Variants in SND1 observed in about 807,000 individuals in gnomAD.
SND1 encodes the protein staphylococcal nuclease and tudor domain containing 1.
SND1 carries 38 observed loss-of-function variants against 121.7 expected under a neutral mutation model. The ratio of observed to expected loss-of-function variants is 0.31; its 90% CI spans 0.24 to 0.41. The LOEUF (loss-of-function observed/expected upper bound fraction) is 0.41. Among genes scored for constraint, SND1 ranks in the 10% least tolerant of loss-of-function variants. The probability of loss-of-function intolerance (pLI) is 1.00; values close to 1 mark genes in which losing one functional copy is unlikely to be tolerated. For synonymous variants in SND1, 401 were observed against 447.4 expected (o/e 0.90, Z 1.31); for missense variants, 868 against 1,184.6 (o/e 0.73, Z 3.92).
chr7:127,734,775 G>C (rs1390665675), intron 10 of SND1, among the ~76,000 whole-genome samples: 1 of 152,186 alleles, frequency 6.6e-6, no homozygotes, highest in Non-Finnish European at 1.5e-5. Context: ...GTAGTCTTCT[G>C]CCGAGTTCTT....
At chr7:128,019,660 A>G (rs980669450) in intron 16 of SND1, among the ~76,000 whole-genome samples, 3 of 152,258 alleles carry the variant, frequency 2.0e-5, no homozygotes, top group Non-Finnish European at 4.4e-5. Context: ...CTTGGTTAGA[A>G]GAAATCCTTG....
chr7:127,779,830 T>G (rs1797686248), intron 10 of SND1, among the ~76,000 whole-genome samples: 1 of 152,242 alleles, frequency 6.6e-6, no homozygotes, highest in Non-Finnish European at 1.5e-5. Context: ...TTTCTTATCA[T>G]TTGTGTGCAA....
intron 16 of SND1, among the ~76,000 whole-genome samples, chr7:128,048,017 T>C (rs551285868): frequency 2.4e-4 from 37 of 152,136 alleles, no homozygotes; most frequent in African/African-American, 7.9e-4. Flanking sequence ...CCGGCTAATT[T>C]TTGTATTTTT....
Position 128,081,386 on chromosome 7 carries a change from C to T in SND1, c.1995C>T (p.Pro665=), listed in dbSNP as rs374608789. Reference sequence around the variant, plus strand: ...TCTGGGCCCACTATGAGGAGCAGCCCGTGGAGGAGGTGATGCCAGTGCTGG... The same window carrying T: ...TCTGGGCCCACTATGAGGAGCAGCCTGTGGAGGAGGTGATGCCAGTGCTGG... ...EKVWAHYEEQ[P]VEEVMPVLEE... The change falls in exon 18 of 24, where the codon CCC becomes CCT. Residue 665 remains proline, a synonymous_variant. Transcript: ENST00000354725. The T allele has an allele frequency of 5.0e-5, 80 of 1,614,132 alleles. No individual in the cohort carries two copies. In the African/African-American group the frequency reaches 6.8e-4, roughly 14 times the overall value.
chr7:127,947,608 C>T (rs11765943), intron 15 of SND1, among the ~76,000 whole-genome samples: 2,156 of 152,236 alleles, frequency 0.014, 21 homozygotes, highest in Non-Finnish European at 0.017. Flanking sequence ...TACAGAGGCA[C>T]GGATGGCAAC....
rs1238753102 is a variant in SND1, at chr7:127,965,864, C to T, written c.1670-25083C>T. 6.7e-3 allele frequency among the ~76,000 whole-genome samples: 76 copies of T among 11,304 alleles called. 1 individual carries two copies. Among genetic ancestry groups the T allele is most frequent in the African/African-American group, 0.03 (68 of 2,250 alleles). The allele number at this position is 11,304 out of a possible 152,430, so 7.4% of individuals were successfully genotyped here. A position where few individuals can be genotyped will look rare whatever the true frequency, so the allele number is the denominator to read the frequency against. ...TCCTCCTTGTACCTCTGGTAGAATT[C>T]GGCTGTGAATCCATCTGGTCCTGGA... is the stretch of plus-strand genomic sequence containing the variant. On this transcript the variant is annotated intron_variant, in intron 15 of 23. Transcript: ENST00000354725.
Position 127,887,924 on chromosome 7 carries a change from A to G in SND1, c.1366A>G (p.Ser456Gly). 6.2e-7 allele frequency: 1 copy of G among 1,611,970 alleles called. No individual in the cohort carries two copies. Among genetic ancestry groups the G allele is most frequent in the Non-Finnish European group, 8.5e-7 (1 of 1,178,720 alleles). The change falls in exon 13 of 24, where the codon AGC (serine) becomes GGC (glycine). Residue 456 changes from serine (S) to glycine (G), a missense_variant. By Grantham distance (56) the Ser-to-Gly change is moderately conservative (BLOSUM62 0). Coordinates refer to ENST00000354725, the MANE Select transcript of SND1 (RefSeq NM_014390.4). ...GGINIAEALV[S>G]KGLATVIRYR... is the part of the protein sequence containing the mutation. ...CAGAAACATTGCTGAGGCTCTTGTC[A>G]GCAAAGGTCTAGCCACAGTGATCAG...
intron 13 of SND1, among the ~76,000 whole-genome samples, chr7:127,902,756 G>A (rs990903287): frequency 1.3e-5 from 2 of 151,482 alleles, no homozygotes; most frequent in Non-Finnish European, 2.9e-5. Flanking sequence ...TTGCTCTTTC[G>A]CCCAGGTTAG....
intron 10 of SND1, among the ~76,000 whole-genome samples, chr7:127,778,404 G>A (rs1797660599): frequency 2.0e-5 from 3 of 151,946 alleles, no homozygotes; most frequent in South Asian, 2.1e-4. Flanking sequence ...TCACCATTTT[G>A]GCCAGGATGG....
intron 10 of SND1, among the ~76,000 whole-genome samples, chr7:127,793,612 G>A (rs1306956544): frequency 5.3e-5 from 8 of 152,086 alleles, no homozygotes; most frequent in Non-Finnish European, 8.8e-5. Context: ...TGTTAAACAG[G>A]CACCATTTCA....
chr7:127,941,314 G>A lies in SND1; in HGVS notation c.1669+11985G>A, dbSNP rs941572479. On this transcript the variant is annotated intron_variant, in intron 15 of 23. Transcript: ENST00000354725. ...ATTAGCTTATAGGCTTCTAAAGTAGGCTTTGTAGAAAACTTTCTATTCAAG... is the reference window on the plus strand; with the variant it reads ...ATTAGCTTATAGGCTTCTAAAGTAGACTTTGTAGAAAACTTTCTATTCAAG... Among the ~76,000 whole-genome samples, 59 of 152,164 alleles carry A rather than the reference G, an allele frequency of 3.9e-4. 1 individual carries two copies. The highest frequency in any genetic ancestry group is 1.1e-3 in the African/African-American group (46 of 41,510).
chr7:127,982,942 A>G (rs1288701196), intron 15 of SND1, among the ~76,000 whole-genome samples: 1 of 152,228 alleles, frequency 6.6e-6, no homozygotes, highest in Non-Finnish European at 1.5e-5. Flanking sequence ...AAAATTAGGC[A>G]GATGGTCTGT....
intron 15 of SND1, among the ~76,000 whole-genome samples, chr7:127,974,715 A>G (rs1306801405): frequency 2.0e-5 from 3 of 152,176 alleles, no homozygotes; most frequent in African/African-American, 7.2e-5. Context: ...GTTTAGTGAC[A>G]TTAGGGGAGA....
At chr7:128,040,544 C>T (rs528220552) in intron 16 of SND1, among the ~76,000 whole-genome samples, 2 of 141,814 alleles carry the variant, frequency 1.4e-5, no homozygotes, top group East Asian at 4.7e-4. Context: ...AGCCCCTTAA[C>T]TGAGCAACTC....
chr7:127,659,301 AATG>A (rs1411784124), intron 1 of SND1, among the ~76,000 whole-genome samples: 1 of 152,254 alleles, frequency 6.6e-6, no homozygotes, highest in Non-Finnish European at 1.5e-5. Flanking sequence ...ATAATACATT[AATG>A]ATCTTTTTCT....
chr7:127,933,716 A>G (rs1302602924), intron 15 of SND1, among the ~76,000 whole-genome samples: 1 of 152,228 alleles, frequency 6.6e-6, no homozygotes, highest in East Asian at 1.9e-4. Flanking sequence ...TTTTATAACT[A>G]GAGTTTACCT....
intron 11 of SND1, among the ~76,000 whole-genome samples, chr7:127,834,789 C>T (rs1563029610): frequency 6.6e-6 from 1 of 152,154 alleles, no homozygotes; most frequent in Non-Finnish European, 1.5e-5. Flanking sequence ...CCTTTGACAT[C>T]ATTATATACA....
At chr7:127,697,419 G>A (rs1475734535) in intron 3 of SND1, among the ~76,000 whole-genome samples, 2 of 152,194 alleles carry the variant, frequency 1.3e-5, no homozygotes, top group African/African-American at 4.8e-5. Flanking sequence ...CGGGTGTGCT[G>A]TTGATCAGCC....
chr7:127,920,724 G>T (rs1347834459), intron 14 of SND1, among the ~76,000 whole-genome samples: 1 of 152,034 alleles, frequency 6.6e-6, no homozygotes, highest in Non-Finnish European at 1.5e-5. Flanking sequence ...TAGAGAAAGA[G>T]GATTGAAGAC....
Sources: allele counts gnomAD v4.1 joint callset (sites outside exome capture counted in the v4.1 genomes callset), GRCh38; gene constraint gnomAD v4.1.1; transcripts MANE v1.5; gene names NCBI Gene and HGNC (gene_info 2026-07-23, HGNC 2026-07-21).